Variants in MYO7A observed in about 807,000 individuals in gnomAD.
MYO7A encodes unconventional myosin-VIIa.
MYO7A carries 210 observed loss-of-function variants against 263.8 expected under a neutral mutation model. The ratio of observed to expected loss-of-function variants is 0.80; its 90% CI spans 0.71 to 0.89. The LOEUF (loss-of-function observed/expected upper bound fraction) is 0.89. Ranked by LOEUF, MYO7A falls within the 40% of genes least tolerant of loss-of-function variation. The pLI is 0.00. For missense variants in MYO7A, 2,820 were observed against 2,968.3 expected (o/e 0.95, Z 1.16); for synonymous variants, 1,239 against 1,197.3 (o/e 1.03, Z -0.72).
intron 32 of MYO7A, among the ~76,000 whole-genome samples, chr11:77,195,598 A>G (rs2135633304): frequency 6.6e-6 from 1 of 152,312 alleles, no homozygotes; most frequent in East Asian, 1.9e-4. Flanking sequence ...TGGGCACCAT[A>G]CCAGGACCTG....
chr11:77,161,165 T>A lies in MYO7A; in HGVS notation c.1343+50T>A, dbSNP rs77568474. On this transcript the variant is annotated intron_variant, in intron 12 of 48. Coordinates refer to ENST00000409709, the MANE Select transcript of MYO7A (RefSeq NM_000260.4). ...GGAATTTCCTTCCCCAATATGGAAA[T>A]AAGAAATATCACGTCTCTCCCTTGC... is the stretch of plus-strand genomic sequence containing the variant. The A allele has an allele frequency of 9.3e-4, 1,493 of 1,608,020 alleles. 1 individual carries two copies. Among genetic ancestry groups the A allele is most frequent in the South Asian group, 1.5e-3 (132 of 90,698 alleles).
intron 27 of MYO7A, among the ~76,000 whole-genome samples, chr11:77,188,060 G>A (rs1955772118): frequency 6.6e-6 from 1 of 152,192 alleles, no homozygotes; most frequent in Non-Finnish European, 1.5e-5. Context: ...ACCTAAAGCT[G>A]ACACTTCTAG....
rs112237587 is a variant in MYO7A at position 77,143,158 on chromosome 11, C to T, written c.132+336C>T. 0.015 allele frequency among the ~76,000 whole-genome samples: 2,311 copies of T among 152,302 alleles called. 51 individuals carry two copies. The highest frequency in any genetic ancestry group is 0.053 in the African/African-American group (2,216 of 41,550). On this transcript the variant is annotated intron_variant, in intron 3 of 48. Coordinates refer to ENST00000409709, the MANE Select transcript of MYO7A (RefSeq NM_000260.4). ...CTTTGGGGGCAGACTGCATTCAAAT[C>T]CTATCTCGTCCATTTGTTAGCTGCG...
intron 10 of MYO7A, 25 bp downstream of exon 10, chr11:77,159,548 C>T (rs782080345): frequency 6.2e-7 from 1 of 1,607,130 alleles, no homozygotes; most frequent in Admixed American, 1.7e-5. Context: ...TCTCTCCCCT[C>T]CATGACTTCT....
intron 15 of MYO7A, among the ~76,000 whole-genome samples, chr11:77,168,358 C>T (rs180775021): frequency 7.4e-4 from 112 of 152,344 alleles, no homozygotes; most frequent in Non-Finnish European, 1.2e-3. Flanking sequence ...TAGGATACAA[C>T]AGTGACCAAT....
chr11:77,150,224 C>T (rs1555056459), intron 4 of MYO7A, among the ~76,000 whole-genome samples: 1 of 152,230 alleles, frequency 6.6e-6, no homozygotes, highest in African/African-American at 2.4e-5. Flanking sequence ...GCCGGGCCCC[C>T]TGCAGACCAG....
At chr11:77,204,290 T>G in intron 39 of MYO7A, 61 bp downstream of exon 39, 1 of 1,538,018 alleles carries the variant, frequency 6.5e-7, no homozygotes. Flanking sequence ...GGGCAGCTCT[T>G]ACCCTCCTGA....
rs782606682 is a variant in MYO7A at position 77,158,415 on chromosome 11, A to G, written c.988A>G (p.Asn330Asp). The change falls in exon 9 of 49, where the codon AAC becomes GAC. Residue 330 changes from asparagine (N) to aspartate (D), a missense_variant. By Grantham distance (23) the Asn-to-Asp change is conservative. Coordinates refer to ENST00000409709, the MANE Select transcript of MYO7A (RefSeq NM_000260.4). ...CCTGGCTGCCATCCTGCACCTGGGCAACCTGCAGTATGAGGGTGAGGCTGC... is the reference window on the plus strand; with the variant it reads ...CCTGGCTGCCATCCTGCACCTGGGCGACCTGCAGTATGAGGGTGAGGCTGC... ...KLLAAILHLGNLQYEARTFEN... is the reference protein window; with the variant it reads ...KLLAAILHLGDLQYEARTFEN... 1.2e-6 allele frequency: 2 copies of G among 1,612,126 alleles called. 1 individual carries two copies. Among genetic ancestry groups the G allele is most frequent in the South Asian group, 2.2e-5 (2 of 91,066 alleles).
chr11:77,157,064 G>A (rs982013587), intron 7 of MYO7A, 60 bp downstream of exon 7: 60 of 1,579,086 alleles, frequency 3.8e-5, no homozygotes, highest in Admixed American at 2.7e-4. Flanking sequence ...AGGGGTCTGC[G>A]TGGCCCACCT....
Position 77,211,804 on chromosome 11 carries a change from C to T in MYO7A, c.6238-17C>T. On this transcript the variant is annotated splice_polypyrimidine_tract_variant and intron_variant, in intron 45 of 48. Transcript: ENST00000409709. ...TCCCCAGGACTGAGCCCAGCCCTGA[C>T]CGCCCTGTCCCCATAGTCCATCGTC... is the stretch of plus-strand genomic sequence containing the variant. 1.2e-6 allele frequency: 2 copies of T among 1,607,480 alleles called. No homozygotes were observed. Among genetic ancestry groups the T allele is most frequent in the Admixed American group, 1.7e-5 (1 of 60,000 alleles).
At chr11:77,175,513 C>A in intron 18 of MYO7A, 49 bp downstream of exon 18, 1 of 1,552,300 alleles carries the variant, frequency 6.4e-7, no homozygotes, top group Non-Finnish European at 8.9e-7. Context: ...CTGTAAATTC[C>A]CATGATGTGG....
chr11:77,174,966 G>A, intron 17 of MYO7A, 52 bp downstream of exon 17: 1 of 1,591,088 alleles, frequency 6.3e-7, no homozygotes, highest in Non-Finnish European at 8.6e-7. Flanking sequence ...AGCTTTGGCT[G>A]GGCAAGGGTC....
Position 77,207,417 on chromosome 11 carries a change from A to G in MYO7A, c.5856+15A>G. 3 of 1,554,134 alleles carry G rather than the reference A, an allele frequency of 1.9e-6. No homozygotes were observed. Among genetic ancestry groups the G allele is most frequent in the Non-Finnish European group, 1.8e-6 (2 of 1,135,568 alleles). On this transcript the variant is annotated intron_variant, in intron 42 of 48. Coordinates refer to ENST00000409709, the MANE Select transcript of MYO7A (RefSeq NM_000260.4). ...TTGCAGACAAGGTGGGTCCTTTGCC[A>G]CCTTCGCCAAGGTGGGAGATTTGCT... is the stretch of plus-strand genomic sequence containing the variant.
At chr11:77,146,658 G>C (rs1951587951) in intron 3 of MYO7A, among the ~76,000 whole-genome samples, 1 of 152,104 alleles carries the variant, frequency 6.6e-6, no homozygotes, top group Admixed American at 6.5e-5. Context: ...GCAGGTGGGG[G>C]AGGACATGGC....
intron 3 of MYO7A, among the ~76,000 whole-genome samples, chr11:77,143,362 G>A (rs781912736): frequency 5.9e-5 from 9 of 152,356 alleles, no homozygotes; most frequent in Admixed American, 2.6e-4. Context: ...ACTGTGTTGG[G>A]TTACTGACAT....
chr11:77,167,542 GCC>G (rs1953668099), intron 15 of MYO7A, among the ~76,000 whole-genome samples: 1 of 152,136 alleles, frequency 6.6e-6, no homozygotes, highest in South Asian at 2.1e-4. Context: ...TGAAACAGCA[GCC>G]CTGTTGCATC....
intron 32 of MYO7A, among the ~76,000 whole-genome samples, chr11:77,196,096 C>T (rs945647090): frequency 3.3e-5 from 5 of 152,194 alleles, no homozygotes; most frequent in Non-Finnish European, 5.9e-5. Context: ...GGGCCAGGCG[C>T]GGTGGCTCAC....
intron 15 of MYO7A, among the ~76,000 whole-genome samples, chr11:77,168,312 T>C (rs1953752600): frequency 1.3e-5 from 2 of 152,294 alleles, no homozygotes; most frequent in Admixed American, 1.3e-4. Context: ...TCTCCAGAAA[T>C]GGCCCCCTCC....
At chr11:77,148,763 T>C (rs1448982462) in intron 4 of MYO7A, among the ~76,000 whole-genome samples, 3 of 152,276 alleles carry the variant, frequency 2.0e-5, no homozygotes, top group African/African-American at 7.2e-5. Flanking sequence ...ATAAATCTAT[T>C]ATAAGATAAT....
Sources: allele counts gnomAD v4.1 joint callset (sites outside exome capture counted in the v4.1 genomes callset), GRCh38; gene constraint gnomAD v4.1.1; transcripts MANE v1.5; gene names NCBI Gene and HGNC (gene_info 2026-07-23, HGNC 2026-07-21).